The following CDC42BPA variants were observed in gnomAD, a reference collection of about 807,000 sequenced individuals.
The protein encoded by CDC42BPA is CDC42 binding protein kinase alpha, also known as serine/threonine-protein kinase MRCK alpha.
In CDC42BPA, 80 loss-of-function variants were observed where a neutral mutation model predicts 223.5. The observed-to-expected ratio is 0.36, with a 90% CI of 0.30 to 0.43. The LOEUF (loss-of-function observed/expected upper bound fraction) is 0.43. Ranked by LOEUF, CDC42BPA falls within the 20% of genes least tolerant of loss-of-function variation. The pLI, the probability that CDC42BPA is intolerant of heterozygous loss-of-function variation, is 1.00. For synonymous variants in CDC42BPA, 694 were observed against 718.6 expected, an observed-to-expected ratio of 0.97 and a Z score of 0.55; for missense variants, 1,743 against 2,099.9, an observed-to-expected ratio of 0.83 and a Z score of 3.32.
intron 11 of CDC42BPA, among the ~76,000 whole-genome samples, chr1:227,121,981 A>G (rs1335715644): frequency 6.6e-6 from 1 of 151,858 alleles, no homozygotes; most frequent in Non-Finnish European, 1.5e-5. Context: ...TTGTATTTTT[A>G]GTAGAGATGG....
chr1:227,106,693 T>C (rs1257705647), intron 14 of CDC42BPA, among the ~76,000 whole-genome samples: 1 of 152,204 alleles, frequency 6.6e-6, no homozygotes, highest in Non-Finnish European at 1.5e-5. Flanking sequence ...AGTTTTATAG[T>C]TGTAGCTGTA....
chr1:227,261,133 T>TTTTTTTTTTTTTTTTTTTTA (rs397729082), intron 1 of CDC42BPA, among the ~76,000 whole-genome samples: 1 of 147,012 alleles, frequency 6.8e-6, no homozygotes, highest in African/African-American at 2.6e-5. Flanking sequence ...TCTTTTTTTT[T>TTTTTTTTTTTTTTTTTTTTA]GAGACAGAGT....
intron 5 of CDC42BPA, among the ~76,000 whole-genome samples, chr1:227,169,198 A>G (rs1023703516): frequency 1.3e-5 from 2 of 152,138 alleles, no homozygotes; most frequent in African/African-American, 4.8e-5. Context: ...TTTACTGAGA[A>G]TAGTTGTTAA....
intron 1 of CDC42BPA, among the ~76,000 whole-genome samples, chr1:227,256,292 AGG>A (rs914347351): frequency 1.3e-5 from 2 of 152,078 alleles, no homozygotes; most frequent in African/African-American, 4.8e-5. Flanking sequence ...GGACACAGGG[AGG>A]GGCACATCAC....
chr1:227,195,050 T>C (rs970097704), intron 4 of CDC42BPA, among the ~76,000 whole-genome samples: 5 of 152,198 alleles, frequency 3.3e-5, no homozygotes, highest in African/African-American at 7.2e-5. Flanking sequence ...TATTACTATA[T>C]GTTAAAATTA....
At chr1:227,294,005 C>T (rs967422668) in intron 1 of CDC42BPA, among the ~76,000 whole-genome samples, 1 of 152,098 alleles carries the variant, frequency 6.6e-6, no homozygotes, top group African/African-American at 2.4e-5. Flanking sequence ...GGCACGGTGG[C>T]TCACACCTGT....
intron 5 of CDC42BPA, among the ~76,000 whole-genome samples, chr1:227,168,497 G>GTTTTTTGTTTTTTTTTTTT (rs1665477711): frequency 2.5e-5 from 2 of 80,212 alleles, no homozygotes; most frequent in East Asian, 3.3e-4. Flanking sequence ...CTTCCCTGGT[G>GTTTTTTGTTTTTTTTTTTT]TTTTTTTTTT....
At chr1:227,163,059 T>A (rs1664331591) in intron 5 of CDC42BPA, among the ~76,000 whole-genome samples, 1 of 71,940 alleles carries the variant, frequency 1.4e-5, no homozygotes, top group South Asian at 4.9e-4. Context: ...TGTGTATGTT[T>A]CCAAACATAA....
intron 21 of CDC42BPA, among the ~76,000 whole-genome samples, chr1:227,052,313 A>G (rs529282339): frequency 1.3e-5 from 2 of 152,310 alleles, no homozygotes; most frequent in East Asian, 3.9e-4. Context: ...GGAATCATAC[A>G]TGTGAAATAA....
chr1:227,006,340 G>C (rs1176722866), intron 34 of CDC42BPA, among the ~76,000 whole-genome samples: 1 of 152,144 alleles, frequency 6.6e-6, no homozygotes, highest in African/African-American at 2.4e-5. Flanking sequence ...GTGCCATAAA[G>C]GCAGCATGGT....
chr1:227,256,832 CAGAT>C (rs999959344), intron 1 of CDC42BPA, among the ~76,000 whole-genome samples: 1 of 152,126 alleles, frequency 6.6e-6, no homozygotes, highest in Admixed American at 6.6e-5. Flanking sequence ...GAGATTCAAA[CAGAT>C]ATCTGTACAA....
At chr1:227,148,122 G>A (rs192941999) in intron 6 of CDC42BPA, among the ~76,000 whole-genome samples, 23 of 152,234 alleles carry the variant, frequency 1.5e-4, no homozygotes, top group Admixed American at 1.4e-3. Flanking sequence ...GAGAAAAAAA[G>A]TTGAGTACTT....
rs776744119 is a variant in CDC42BPA at position 227,069,829 on chromosome 1, T to C, written c.2852A>G (p.His951Arg). The C allele has an allele frequency of 1.2e-6, 2 of 1,611,750 alleles. No individual in the cohort carries two copies. Among genetic ancestry groups the C allele is most frequent in the Non-Finnish European group, 1.7e-6 (2 of 1,178,262 alleles). The part of the protein sequence containing the change: ...EKGIEHQDSQ[H>R]SFLAFLNTPT... ...CGTATTCAAAAATGCCAAGAAAGAA[T>C]GCTGTGAGTCTTGGTGCTCTATACC... Residue 951 changes from histidine to arginine, a missense_variant, in exon 21 of 37, where the codon CAT becomes CGT. His to Arg is a conservative substitution (Grantham distance 29). This residue lies in a region of CDC42BPA where 678 missense variants were observed against 777.5 expected (regional missense o/e 0.87). Transcript: ENST00000366766.
chr1:227,116,460 C>T (rs996267137), intron 12 of CDC42BPA, among the ~76,000 whole-genome samples: 13 of 152,076 alleles, frequency 8.5e-5, no homozygotes, highest in Non-Finnish European at 7.4e-5. Context: ...ACATTATTAG[C>T]GATGAAATAT....
intron 7 of CDC42BPA, among the ~76,000 whole-genome samples, chr1:227,145,952 G>A (rs1472786339): frequency 6.6e-6 from 1 of 152,042 alleles, no homozygotes; most frequent in Non-Finnish European, 1.5e-5. Context: ...AATCATGCAT[G>A]CGCTATAGAA....
intron 6 of CDC42BPA, among the ~76,000 whole-genome samples, chr1:227,156,151 T>A (rs1412895806): frequency 1.3e-5 from 1 of 75,872 alleles, no homozygotes. Context: ...ATTTTTATTT[T>A]TTATTTATTT....
rs377034720 is a variant in CDC42BPA at position 227,145,249 on chromosome 1, T to C, written c.1143+240A>G. Among the ~76,000 whole-genome samples, 94 of 152,334 alleles carry C rather than the reference T, an allele frequency of 6.2e-4. 1 individual carries two copies. In the South Asian group the frequency reaches 0.018, roughly 29 times the overall value. On this transcript the variant is annotated intron_variant, in intron 8 of 36. Coordinates refer to ENST00000366766, the MANE Select transcript of CDC42BPA (RefSeq NM_001394014.1). ...TTACGAAGCTTAATGGCATAACTTA[T>C]CTAAGAGGTAAAACTTTGAATTTTA... is the stretch of plus-strand genomic sequence containing the variant.
In CDC42BPA at chr1:227,041,401, G is replaced by A. The variant is rs553353375; in HGVS notation, c.3094-1165C>T. ...TTTGCTATTTTTTTCTCTTGTAAAT[G>A]TGTGATTGATTTAAACTACTAAGAA... is the stretch of plus-strand genomic sequence containing the variant. On this transcript the variant is annotated intron_variant, in intron 23 of 36. Coordinates refer to ENST00000366766, the MANE Select transcript of CDC42BPA (RefSeq NM_001394014.1). 9.9e-5 allele frequency among the ~76,000 whole-genome samples: 15 copies of A among 152,118 alleles called. No homozygotes were observed. In the South Asian group the frequency reaches 1.7e-3, roughly 17 times the overall value.
At chr1:227,267,689 G>A (rs778406497) in intron 1 of CDC42BPA, among the ~76,000 whole-genome samples, 6 of 152,172 alleles carry the variant, frequency 3.9e-5, no homozygotes, top group South Asian at 2.1e-4. Context: ...CATGGCAGAA[G>A]GTGAAAAGGG....
Sources: allele counts gnomAD v4.1 joint callset (sites outside exome capture counted in the v4.1 genomes callset), GRCh38; gene constraint gnomAD v4.1.1; regional missense constraint gnomAD v4.1.1; transcripts MANE v1.5; gene names NCBI Gene and HGNC (gene_info 2026-07-23, HGNC 2026-07-21).